PPP1R42: variants seen among roughly 807,000 people sequenced by gnomAD.
The protein encoded by PPP1R42 is leucine rich repeat containing 67.
A neutral mutation model predicts 31.0 loss-of-function variants in PPP1R42; 34 were observed. That is an observed-to-expected ratio of 1.10 (90% CI 0.83 to 1.46). The LOEUF (loss-of-function observed/expected upper bound fraction) is 1.46. PPP1R42 is among the 40% of genes most tolerant of loss of function. The pLI is 0.00. For synonymous variants in PPP1R42, 103 were observed against 109.8 expected, an observed-to-expected ratio of 0.94 and a Z score of 0.39; for missense variants, 268 against 303.0, an observed-to-expected ratio of 0.88 and a Z score of 0.86.
At chr8:67,003,680 A>T (rs1160254738) in intron 5 of PPP1R42, among the ~76,000 whole-genome samples, 5 of 151,942 alleles carry the variant, frequency 3.3e-5, no homozygotes, top group Non-Finnish European at 7.4e-5. Context: ...TTTTCCCCCT[A>T]TTGCTGTGGT....
chr8:67,018,169 G>A (rs746130866), intron 1 of PPP1R42, among the ~76,000 whole-genome samples: 4 of 150,516 alleles, frequency 2.7e-5, no homozygotes, highest in Non-Finnish European at 4.4e-5. Flanking sequence ...AGGCTGGAGT[G>A]CAGTGGCACA....
chr8:66,965,263 C>CAAAAA (rs35319935), intron 7 of PPP1R42, among the ~76,000 whole-genome samples: 2 of 66,590 alleles, frequency 3.0e-5, no homozygotes, highest in Non-Finnish European at 6.9e-5. Flanking sequence ...GACTCCGTCT[C>CAAAAA]AAAAAAAAAA....
At chr8:67,015,646 A>G (rs1018071038) in intron 2 of PPP1R42, among the ~76,000 whole-genome samples, 5 of 150,192 alleles carry the variant, frequency 3.3e-5, no homozygotes, top group Admixed American at 1.3e-4. Flanking sequence ...CTGGTGTCAA[A>G]CTCCTGGGCT....
intron 5 of PPP1R42, among the ~76,000 whole-genome samples, chr8:66,997,164 C>G (rs906638445): frequency 2.6e-5 from 4 of 152,128 alleles, no homozygotes; most frequent in African/African-American, 7.2e-5. Context: ...TCAGTTGACT[C>G]TATGTGTGAG....
At chr8:67,013,292 A>G (rs1455322052) in intron 3 of PPP1R42, among the ~76,000 whole-genome samples, 196 bp from the exon 4 acceptor site, 1 of 152,138 alleles carries the variant, frequency 6.6e-6, no homozygotes, top group Admixed American at 6.6e-5. Context: ...ATTTAGTCTA[A>G]AAGTACATTT....
intron 1 of PPP1R42, among the ~76,000 whole-genome samples, chr8:67,021,661 T>C (rs990329610): frequency 6.6e-6 from 1 of 152,156 alleles, no homozygotes; most frequent in African/African-American, 2.4e-5. Context: ...GAAACCCCTC[T>C]ATACCTTTCT....
At chr8:66,985,731 AG>A (rs1284598358) in intron 6 of PPP1R42, 11 of 1,295,838 alleles carry the variant, frequency 8.5e-6, no homozygotes, top group Non-Finnish European at 1.2e-5. Context: ...GCTGAGGTGT[AG>A]GGGGGCTAAT....
chr8:67,017,228 C>T (rs1816041845), intron 2 of PPP1R42, among the ~76,000 whole-genome samples: 3 of 152,134 alleles, frequency 2.0e-5, no homozygotes, highest in Admixed American at 6.6e-5. Context: ...AATCCCAGCA[C>T]TTTGGAAGGC....
At position 66,998,286 on chromosome 8, in the gene PPP1R42, C is replaced by A. The variant is rs142285817; in HGVS notation, c.553-9769G>T. Among the ~76,000 whole-genome samples, 1,195 of 152,128 alleles carry A rather than the reference C, an allele frequency of 7.9e-3. 7 individuals carry two copies. Among genetic ancestry groups the A allele is most frequent in the Middle Eastern group, 0.014 (4 of 294 alleles). On this transcript the variant is annotated intron_variant, in intron 5 of 7. Transcript: ENST00000685739. ...CTTGCACAGTTTTAAAAATGTATCC[C>A]TAAGTATTTTATATATCTGATGAAG...
intron 5 of PPP1R42, among the ~76,000 whole-genome samples, chr8:66,997,902 T>G (rs1243690133): frequency 6.6e-6 from 1 of 152,176 alleles, no homozygotes; most frequent in African/African-American, 2.4e-5. Context: ...ATTTTAGGGT[T>G]GATTTGTCAA....
At chr8:66,991,880 G>T (rs1815198382) in intron 5 of PPP1R42, among the ~76,000 whole-genome samples, 1 of 152,166 alleles carries the variant, frequency 6.6e-6, no homozygotes, top group African/African-American at 2.4e-5. Flanking sequence ...TGCAGGTTCT[G>T]AGTTGTTAGG....
In PPP1R42 at chr8:66,967,436, C is replaced by T. The variant is rs150808918; in HGVS notation, c.803-3102G>A. Among the ~76,000 whole-genome samples the T allele has an allele frequency of 5.3e-5, 8 of 152,236 alleles. No homozygotes were observed. The South Asian group carries it at 8.3e-4, about 16-fold the overall frequency. ...ATTTTGCATATAAAATTAAATAGAC[C>T]GTTATGTTTAACAAAGCAAAATTTG... On this transcript the variant is annotated intron_variant, in intron 7 of 7. Transcript: ENST00000685739.
At chr8:67,000,682 T>A (rs1214611979) in intron 5 of PPP1R42, among the ~76,000 whole-genome samples, 1 of 152,232 alleles carries the variant, frequency 6.6e-6, no homozygotes, top group African/African-American at 2.4e-5. Context: ...GGTCTTGAAC[T>A]CCTGGGTTCA....
intron 2 of PPP1R42, among the ~76,000 whole-genome samples, chr8:67,016,134 T>A (rs1816011005): frequency 6.6e-6 from 1 of 152,080 alleles, no homozygotes; most frequent in Non-Finnish European, 1.5e-5. Context: ...GGAAGAAGGA[T>A]CACCAGGAAA....
intron 5 of PPP1R42, among the ~76,000 whole-genome samples, chr8:66,991,825 C>T (rs1212352136): frequency 1.3e-5 from 2 of 151,954 alleles, no homozygotes; most frequent in African/African-American, 4.9e-5. Flanking sequence ...ACTAATGCTT[C>T]TCAAACTTTC....
chr8:67,013,762 AC>A (rs1815916149), intron 3 of PPP1R42, among the ~76,000 whole-genome samples: 1 of 152,152 alleles, frequency 6.6e-6, no homozygotes, highest in South Asian at 2.1e-4. Flanking sequence ...TCTGGGCCTA[AC>A]CCCTGGAGAT....
intron 5 of PPP1R42, among the ~76,000 whole-genome samples, chr8:67,008,262 G>A (rs771438997): frequency 2.0e-5 from 3 of 152,042 alleles, no homozygotes; most frequent in Non-Finnish European, 4.4e-5. Flanking sequence ...TGTAGCATTC[G>A]ATACTACCCA....
intron 1 of PPP1R42, among the ~76,000 whole-genome samples, chr8:67,018,789 G>A (rs1394635437): frequency 1.5e-5 from 2 of 135,324 alleles, no homozygotes; most frequent in East Asian, 2.4e-4. Context: ...GGGATTACAG[G>A]AGTGAGCCAC....
intron 2 of PPP1R42, among the ~76,000 whole-genome samples, chr8:67,016,088 A>G (rs1816009410): frequency 6.6e-6 from 1 of 152,170 alleles, no homozygotes; most frequent in South Asian, 2.1e-4. Context: ...CTGGGCAACA[A>G]AAGAGAAACA....
Sources: gnomAD v4.1 joint callset for allele counts (sites outside exome capture counted in the v4.1 genomes callset) on GRCh38, gnomAD v4.1.1 for gene constraint, MANE v1.5 for transcripts, NCBI Gene and HGNC (gene_info 2026-07-23, HGNC 2026-07-21) for gene names.